The following SLC25A12 variants were observed in gnomAD, a reference collection of about 807,000 sequenced individuals.
The protein encoded by SLC25A12 is electrogenic aspartate/glutamate antiporter SLC25A12, mitochondrial.
In SLC25A12, 32 loss-of-function variants were observed where a neutral mutation model predicts 83.3. The observed-to-expected ratio is 0.38, with a 90% CI of 0.29 to 0.52. The LOEUF (loss-of-function observed/expected upper bound fraction) is 0.52, where lower values mean the gene tolerates loss of function less well. Ranked by LOEUF, SLC25A12 falls within the 20% of genes least tolerant of loss-of-function variation. The pLI is 0.84. For missense variants in SLC25A12, 611 were observed against 835.6 expected (o/e 0.73, Z 3.31); for synonymous variants, 267 against 291.1 (o/e 0.92, Z 0.84).
chr2:171,888,506 A>G (rs1218717215), intron 2 of SLC25A12, among the ~76,000 whole-genome samples: 1 of 152,118 alleles, frequency 6.6e-6, no homozygotes, highest in Non-Finnish European at 1.5e-5. Flanking sequence ...CAGTGGCACA[A>G]TCTCGGCTCA....
At chr2:171,818,459 A>G (rs1242430541) in intron 9 of SLC25A12, among the ~76,000 whole-genome samples, 1 of 150,788 alleles carries the variant, frequency 6.6e-6, no homozygotes, top group East Asian at 1.9e-4. Context: ...TTTTTTTGTT[A>G]TACGTATCTC....
chr2:171,829,098 C>A (rs1684377824), intron 8 of SLC25A12, among the ~76,000 whole-genome samples: 1 of 152,242 alleles, frequency 6.6e-6, no homozygotes. Context: ...CACTTGGCTG[C>A]ATTCTCAACC....
At position 171,793,719 on chromosome 2, in the gene SLC25A12, T is replaced by C. The variant is rs1284232780; in HGVS notation, c.1354A>G (p.Ile452Val). 1 of 1,614,048 alleles carries C rather than the reference T, an allele frequency of 6.2e-7. No homozygotes were observed. Among genetic ancestry groups the C allele is most frequent in the Non-Finnish European group, 8.5e-7 (1 of 1,180,044 alleles). The change falls in exon 14 of 18, where the codon ATT (isoleucine) becomes GTT (valine). Residue 452 changes from isoleucine to valine, a missense_variant. Around this residue, in one of 3 missense-constraint regions of SLC25A12, gnomAD observed 540 missense variants for 777.5 expected, o/e 0.69. Transcript: ENST00000422440. The part of the protein sequence containing the change: ...IFTNPLEIVK[I>V]RLQVAGEITT... ...ATCTCTCCAGCTACTTGCAGACGAA[T>C]CTTCACTATCTCCAATGGGTTGGTA...
rs1558907009 is a variant in SLC25A12, at chr2:171,791,608, A to G, written c.1447-19T>C. On this transcript the variant is annotated intron_variant, in intron 14 of 17. Coordinates refer to ENST00000422440, the MANE Select transcript of SLC25A12 (RefSeq NM_003705.5). ...TGGCACCCTGTCACACAGTGAGGAA[A>G]TAGTGCAAAACAGTGTGAAACTGAG... 6.2e-7 allele frequency: 1 copy of G among 1,612,654 alleles called. No homozygotes were observed. The highest frequency in any genetic ancestry group is 2.2e-5 in the East Asian group (1 of 44,880).
At chr2:171,793,875 G>T in intron 13 of SLC25A12, 108 bp from the exon 14 acceptor site, 3 of 1,328,960 alleles carry the variant, frequency 2.3e-6, no homozygotes, top group Non-Finnish European at 2.1e-6. Context: ...TTGAAAAGAA[G>T]GAGGTGAAAC....
intron 13 of SLC25A12, among the ~76,000 whole-genome samples, chr2:171,802,219 T>C (rs1176400875): frequency 6.6e-6 from 1 of 152,186 alleles, no homozygotes; most frequent in Non-Finnish European, 1.5e-5. Flanking sequence ...TTGCACAAGC[T>C]GGCCTTGAAC....
intron 3 of SLC25A12, among the ~76,000 whole-genome samples, chr2:171,866,490 G>C (rs1278415689): frequency 2.0e-5 from 3 of 148,746 alleles, no homozygotes; most frequent in Non-Finnish European, 4.5e-5. Context: ...CCCGGACGGG[G>C]TGGCTGGCCG....
chr2:171,887,394 G>A (rs1685842678), intron 2 of SLC25A12, among the ~76,000 whole-genome samples: 1 of 152,100 alleles, frequency 6.6e-6, no homozygotes, highest in Non-Finnish European at 1.5e-5. Flanking sequence ...TTTTGATCTG[G>A]CAAATATAGT....
At chr2:171,818,784 C>T (rs551114320) in intron 9 of SLC25A12, among the ~76,000 whole-genome samples, 1 of 152,102 alleles carries the variant, frequency 6.6e-6, no homozygotes, top group East Asian at 1.9e-4. Context: ...CCAAACCACA[C>T]TGCCAACTCA....
chr2:171,888,406 C>T (rs1019801437), intron 2 of SLC25A12, among the ~76,000 whole-genome samples: 7 of 150,752 alleles, frequency 4.6e-5, no homozygotes, highest in Non-Finnish European at 1.0e-4. Context: ...GCTGATATAC[C>T]AGTACTTTCA....
chr2:171,833,469 G>A (rs1375735445), intron 8 of SLC25A12, among the ~76,000 whole-genome samples: 2 of 152,114 alleles, frequency 1.3e-5, no homozygotes, highest in Non-Finnish European at 2.9e-5. Flanking sequence ...GTCTCCGACT[G>A]GTCACAGGCC....
At chr2:171,848,743 A>G (rs556023669) in intron 4 of SLC25A12, among the ~76,000 whole-genome samples, 1 of 152,368 alleles carries the variant, frequency 6.6e-6, no homozygotes, top group Non-Finnish European at 1.5e-5. Flanking sequence ...TCAGATGGTC[A>G]TTAGTTTCCT....
Position 171,844,518 on chromosome 2 carries a change from G to A in SLC25A12, c.326-10C>T. On this transcript the variant is annotated splice_polypyrimidine_tract_variant and intron_variant, in intron 4 of 17. Transcript: ENST00000422440. ...ATTTCTTTGACATTTTCTTAAAAGG[G>A]AAAACAAAAATAAATCAATTATATC... 6.5e-7 allele frequency: 1 copy of A among 1,532,418 alleles called. No homozygotes were observed. The highest frequency in any genetic ancestry group is 2.3e-5 in the East Asian group (1 of 44,350). 94.9% of individuals were successfully genotyped at this position (1,532,418 alleles called of 1,614,324 possible).
At chr2:171,844,585 AAAATT>A (rs1684751700) in intron 4 of SLC25A12, 77 bp from the exon 5 acceptor site, 3 of 1,049,386 alleles carry the variant, frequency 2.9e-6, no homozygotes, top group Non-Finnish European at 4.3e-6. Flanking sequence ...CCTACAGAAA[AAAATT>A]AAGAGAAGTT....
chr2:171,791,376 G>C, intron 15 of SLC25A12, 75 bp downstream of exon 15: 1 of 1,223,688 alleles, frequency 8.2e-7, no homozygotes, highest in East Asian at 2.3e-5. Flanking sequence ...GAAATAAAGG[G>C]GGAAAGTACA....
chr2:171,803,329 A>G (rs1683752231), intron 13 of SLC25A12, among the ~76,000 whole-genome samples: 1 of 152,162 alleles, frequency 6.6e-6, no homozygotes, highest in South Asian at 2.1e-4. Flanking sequence ...ACAAAAGAAA[A>G]AATAGATTAA....
At chr2:171,857,180 A>T (rs189219530) in intron 3 of SLC25A12, among the ~76,000 whole-genome samples, 1 of 152,144 alleles carries the variant, frequency 6.6e-6, no homozygotes, top group East Asian at 1.9e-4. Context: ...AACCTGGGCA[A>T]CATAGGGAGA....
chr2:171,835,170 A>G (rs1684529709), intron 6 of SLC25A12, among the ~76,000 whole-genome samples: 1 of 152,232 alleles, frequency 6.6e-6, no homozygotes, highest in African/African-American at 2.4e-5. Flanking sequence ...AGTTATTTAA[A>G]CAGGATCTTC....
At chr2:171,882,133 G>C (rs1001436399) in intron 2 of SLC25A12, among the ~76,000 whole-genome samples, 3 of 152,080 alleles carry the variant, frequency 2.0e-5, no homozygotes, top group African/African-American at 7.2e-5. Context: ...TCACCCCTAG[G>C]CTTCCAGGTT....
Sources: allele counts gnomAD v4.1 joint callset (sites outside exome capture counted in the v4.1 genomes callset), GRCh38; gene constraint gnomAD v4.1.1; regional missense constraint gnomAD v4.1.1; transcripts MANE v1.5; gene names NCBI Gene and HGNC (gene_info 2026-07-23, HGNC 2026-07-21).